DIS3L2: variants seen among roughly 807,000 people sequenced by gnomAD.
The protein encoded by DIS3L2 is DIS3 like 3'-5' exoribonuclease 2.
A neutral mutation model predicts 97.5 loss-of-function variants in DIS3L2; 34 were observed. The ratio of observed to expected loss-of-function variants is 0.35; its 90% CI spans 0.27 to 0.46. The LOEUF (loss-of-function observed/expected upper bound fraction) is 0.46, where lower values mean the gene tolerates loss of function less well. Among genes scored for constraint, DIS3L2 ranks in the 20% least tolerant of loss-of-function variants. DIS3L2 has a pLI of 1.00. For synonymous variants in DIS3L2, 435 were observed against 445.2 expected, an observed-to-expected ratio of 0.98 and a Z score of 0.29; for missense variants, 1,038 against 1,146.0, an observed-to-expected ratio of 0.91 and a Z score of 1.36.
At chr2:232,052,371 A>G (rs1695434993) in intron 5 of DIS3L2, among the ~76,000 whole-genome samples, 1 of 152,184 alleles carries the variant, frequency 6.6e-6, no homozygotes, top group East Asian at 1.9e-4. Flanking sequence ...ACTTGATTGT[A>G]GATTTCAGTT....
At chr2:232,104,782 A>G (rs1234491711) in intron 6 of DIS3L2, among the ~76,000 whole-genome samples, 1 of 152,132 alleles carries the variant, frequency 6.6e-6, no homozygotes, top group Non-Finnish European at 1.5e-5. Context: ...ATTATATTGT[A>G]TATACTGAAT....
intron 10 of DIS3L2, among the ~76,000 whole-genome samples, chr2:232,231,073 T>C (rs911027279): frequency 9.2e-5 from 14 of 152,244 alleles, no homozygotes; most frequent in Non-Finnish European, 1.0e-4. Context: ...TTCGCTGTTT[T>C]ATTTTCTCCA....
Position 231,996,047 on chromosome 2 carries a change from A to G in DIS3L2, c.-93-18788A>G, listed in dbSNP as rs1054342172. Among the ~76,000 whole-genome samples, 27 of 152,332 alleles carry G rather than the reference A, an allele frequency of 1.8e-4. 3 individuals carry two copies. Among genetic ancestry groups the G allele is most frequent in the Admixed American group, 1.6e-3 (25 of 15,298 alleles). On this transcript the variant is annotated intron_variant, in intron 1 of 20. Coordinates refer to ENST00000325385, the MANE Select transcript of DIS3L2 (RefSeq NM_152383.5). ...CTGCCCTCACATCTGCCAAACAGCT[A>G]GAGAGGTTCAAGAAGGAAGGGAATG...
intron 4 of DIS3L2, among the ~76,000 whole-genome samples, chr2:232,025,499 A>G (rs1346453620): frequency 6.6e-6 from 1 of 152,164 alleles, no homozygotes; most frequent in Non-Finnish European, 1.5e-5. Context: ...CCATTGAATT[A>G]GATAAAAGGT....
intron 1 of DIS3L2, among the ~76,000 whole-genome samples, chr2:231,970,200 C>T (rs1019873600): frequency 6.6e-6 from 1 of 152,094 alleles, no homozygotes; most frequent in Non-Finnish European, 1.5e-5. Context: ...CTCCCACTGT[C>T]ACCTCTTAAA....
chr2:231,972,306 T>C (rs1692942954), intron 1 of DIS3L2, among the ~76,000 whole-genome samples: 1 of 152,248 alleles, frequency 6.6e-6, no homozygotes, highest in Non-Finnish European at 1.5e-5. Context: ...TATTGCATAC[T>C]GTATGTAATT....
At chr2:232,318,657 C>A (rs1695343883) in intron 14 of DIS3L2, among the ~76,000 whole-genome samples, 1 of 152,184 alleles carries the variant, frequency 6.6e-6, no homozygotes, top group Non-Finnish European at 1.5e-5. Context: ...CTCTGCTTCT[C>A]CCGGCTGGAG....
chr2:232,256,440 C>T (rs778293325), intron 12 of DIS3L2, among the ~76,000 whole-genome samples: 4 of 152,236 alleles, frequency 2.6e-5, no homozygotes, highest in African/African-American at 7.2e-5. Flanking sequence ...ATCTTTTCCT[C>T]CCTGCTTAAC....
intron 5 of DIS3L2, among the ~76,000 whole-genome samples, chr2:232,080,257 G>T (rs1696348936): frequency 6.6e-6 from 1 of 152,190 alleles, no homozygotes; most frequent in African/African-American, 2.4e-5. Flanking sequence ...TCTGCTGAGA[G>T]AGTGTGCTGG....
Position 232,238,634 on chromosome 2 carries a change from T to C in DIS3L2, c.1306T>C (p.Leu436=). 6.2e-7 allele frequency: 1 copy of C among 1,613,656 alleles called. No individual in the cohort carries two copies. The highest frequency in any genetic ancestry group is 8.5e-7 in the Non-Finnish European group (1 of 1,179,856). ...VAAERATSVY[L]VQKVVPMLPR... is the part of the protein sequence containing the mutation. Reference sequence around the variant, plus strand: ...TGCCGAGAGGGCTACAAGCGTCTACTTGGTTCAAAAGGTAAAAATCCATCT... The same window carrying C: ...TGCCGAGAGGGCTACAAGCGTCTACCTGGTTCAAAAGGTAAAAATCCATCT... Residue 436 remains leucine, a synonymous_variant, in exon 11 of 21, where the codon TTG becomes CTG. Transcript: ENST00000325385.
At chr2:232,173,521 C>A (rs775986386) in intron 9 of DIS3L2, among the ~76,000 whole-genome samples, 3 of 152,126 alleles carry the variant, frequency 2.0e-5, no homozygotes, top group African/African-American at 7.2e-5. Flanking sequence ...CATGAGCCAC[C>A]GTGCCTGGCC....
At chr2:232,337,375 C>A (rs1695993802), downstream of DIS3L2, among the ~76,000 whole-genome samples, 3 of 152,160 alleles carry the variant, frequency 2.0e-5, no homozygotes, top group South Asian at 4.1e-4. Context: ...GTGCCCAGCT[C>A]TGGTGTGAGT....
intron 6 of DIS3L2, among the ~76,000 whole-genome samples, chr2:232,114,049 G>T (rs1375706179): frequency 6.6e-6 from 1 of 152,092 alleles, no homozygotes; most frequent in African/African-American, 2.4e-5. Flanking sequence ...ACTGACTCAG[G>T]GCAAGAGGAC....
chr2:232,022,587 A>T (rs1044248996), intron 3 of DIS3L2, among the ~76,000 whole-genome samples: 1 of 152,290 alleles, frequency 6.6e-6, no homozygotes, highest in South Asian at 2.1e-4. Context: ...TTGAAAAAAA[A>T]ACTTAGGCCA....
intron 10 of DIS3L2, among the ~76,000 whole-genome samples, chr2:232,211,676 A>G (rs895700906): frequency 2.0e-5 from 3 of 152,168 alleles, no homozygotes; most frequent in Non-Finnish European, 4.4e-5. Context: ...AAACATTGCA[A>G]AGATGTTCAT....
chr2:232,173,547 C>T (rs897822162), intron 9 of DIS3L2, among the ~76,000 whole-genome samples: 3 of 152,078 alleles, frequency 2.0e-5, no homozygotes, highest in Non-Finnish European at 2.9e-5. Context: ...AAGTTTTCTT[C>T]TATGAACTTT....
chr2:232,223,888 G>C (rs1692571587), intron 10 of DIS3L2, among the ~76,000 whole-genome samples: 1 of 152,208 alleles, frequency 6.6e-6, no homozygotes, highest in Non-Finnish European at 1.5e-5. Flanking sequence ...AGGAATTTGA[G>C]ACCAGCCTTG....
chr2:232,084,058 A>C (rs1409550445), intron 5 of DIS3L2, among the ~76,000 whole-genome samples: 2 of 152,200 alleles, frequency 1.3e-5, no homozygotes, highest in Non-Finnish European at 2.9e-5. Flanking sequence ...ATGTTCCTAA[A>C]TATTTCTGAA....
At chr2:231,971,794 G>A (rs545579120) in intron 1 of DIS3L2, among the ~76,000 whole-genome samples, 16 of 150,680 alleles carry the variant, frequency 1.1e-4, no homozygotes, top group African/African-American at 3.9e-4. Context: ...GTTGGCCCAG[G>A]ATGGTCTCAA....
Sources: allele counts gnomAD v4.1 joint callset (sites outside exome capture counted in the v4.1 genomes callset), GRCh38; gene constraint gnomAD v4.1.1; transcripts MANE v1.5; gene names NCBI Gene and HGNC (gene_info 2026-07-23, HGNC 2026-07-21).